The following CTNNB1 variants were observed in gnomAD, a reference collection of about 807,000 sequenced individuals.
The protein encoded by CTNNB1 is catenin beta-1.
Under a neutral mutation model 82.5 loss-of-function variants are expected in CTNNB1, and 6 were observed. The observed-to-expected ratio is 0.07, with a 90% CI of 0.04 to 0.14. The LOEUF (loss-of-function observed/expected upper bound fraction) is 0.14. CTNNB1 is among the 10% of genes least tolerant of loss of function. The pLI is 1.00. For synonymous variants in CTNNB1, 312 were observed against 329.7 expected, an observed-to-expected ratio of 0.95 and a Z score of 0.58; for missense variants, 529 against 980.4, an observed-to-expected ratio of 0.54 and a Z score of 6.15.
At chr3:41,204,566 A>G (rs2077606444) in intron 1 of CTNNB1, among the ~76,000 whole-genome samples, 1 of 152,230 alleles carries the variant, frequency 6.6e-6, no homozygotes, top group Non-Finnish European at 1.5e-5. Context: ...ATTGAAGTGC[A>G]CATGAAGCAG....
intron 1 of CTNNB1, among the ~76,000 whole-genome samples, chr3:41,215,484 G>T (rs2077895967): frequency 6.7e-6 from 1 of 149,420 alleles, no homozygotes; most frequent in Admixed American, 6.7e-5. Flanking sequence ...TTCACATTTT[G>T]AGCATTTTAT....
chr3:41,205,272 TTAGG>T (rs2077622892), intron 1 of CTNNB1, among the ~76,000 whole-genome samples: 1 of 152,230 alleles, frequency 6.6e-6, no homozygotes, highest in African/African-American at 2.4e-5. Context: ...TAAAAACAGT[TTAGG>T]TAATTAAAAA....
intron 1 of CTNNB1, among the ~76,000 whole-genome samples, chr3:41,200,684 ACTT>A (rs1038481209): frequency 2.0e-5 from 3 of 152,168 alleles, no homozygotes; most frequent in Non-Finnish European, 4.4e-5. Flanking sequence ...AAGCATTGCA[ACTT>A]CTTTCAGTGT....
chr3:41,229,023 G>A (rs751923356), intron 7 of CTNNB1, among the ~76,000 whole-genome samples: 4 of 151,708 alleles, frequency 2.6e-5, no homozygotes, highest in Admixed American at 1.3e-4. Flanking sequence ...TTAGGTGTGC[G>A]GCCTAACTTC....
intron 1 of CTNNB1, among the ~76,000 whole-genome samples, chr3:41,213,146 C>T (rs547486969): frequency 2.0e-5 from 3 of 152,340 alleles, no homozygotes; most frequent in Non-Finnish European, 2.9e-5. Context: ...CTATTTTTAA[C>T]GTTTCATTGC....
chr3:41,208,174 T>G, intron 1 of CTNNB1, among the ~76,000 whole-genome samples: 1 of 152,234 alleles, frequency 6.6e-6, no homozygotes, highest in African/African-American at 2.4e-5. Flanking sequence ...TGGTAACTGT[T>G]ACCTGTATGA....
intron 10 of CTNNB1, 69 bp from the exon 11 acceptor site, chr3:41,235,655 G>A: frequency 6.3e-7 from 1 of 1,595,652 alleles, no homozygotes; most frequent in Non-Finnish European, 8.6e-7. Context: ...AATAATTACA[G>A]TCTAATAATT....
intron 1 of CTNNB1, among the ~76,000 whole-genome samples, chr3:41,214,860 T>G (rs1002667176): frequency 6.6e-6 from 1 of 152,154 alleles, no homozygotes; most frequent in Non-Finnish European, 1.5e-5. Flanking sequence ...TGAATGAAGT[T>G]TTAATGGAAC....
chr3:41,208,283 A>G (rs1051785646), intron 1 of CTNNB1, among the ~76,000 whole-genome samples: 6 of 152,276 alleles, frequency 3.9e-5, no homozygotes, highest in African/African-American at 1.4e-4. Flanking sequence ...GAAGGACGCA[A>G]TATGTTGATT....
chr3:41,202,914 G>T (rs542651042), intron 1 of CTNNB1, among the ~76,000 whole-genome samples: 36 of 152,136 alleles, frequency 2.4e-4, no homozygotes, highest in Non-Finnish European at 4.4e-4. Flanking sequence ...AGGCTCATCT[G>T]TTGAGGCCTG....
intron 7 of CTNNB1, among the ~76,000 whole-genome samples, chr3:41,231,066 G>A (rs1324094384): frequency 2.1e-4 from 32 of 152,184 alleles, no homozygotes; most frequent in Admixed American, 2.0e-3. Flanking sequence ...GGTGGCTCAC[G>A]CCTGTAATTC....
At chr3:41,228,508 T>A (rs949393867) in intron 7 of CTNNB1, among the ~76,000 whole-genome samples, 2 of 152,218 alleles carry the variant, frequency 1.3e-5, no homozygotes, top group African/African-American at 4.8e-5. Context: ...CTTGGCCACT[T>A]GTATGTCTTC....
rs2125627510 is a variant in CTNNB1, at chr3:41,227,204, C to G, written c.937-4C>G. On this transcript the variant is annotated splice_region_variant and splice_polypyrimidine_tract_variant and intron_variant, in intron 6 of 14. Transcript: ENST00000349496. ...TAACAAGATATATATATATATCTTT[C>G]TAGCTCATCATACTGGCTAGTGGTG... 6.2e-7 allele frequency: 1 copy of G among 1,606,982 alleles called. No individual in the cohort carries two copies. Among genetic ancestry groups the G allele is most frequent in the Non-Finnish European group, 8.5e-7 (1 of 1,173,770 alleles).
At chr3:41,207,371 T>C (rs1315810208) in intron 1 of CTNNB1, among the ~76,000 whole-genome samples, 1 of 152,218 alleles carries the variant, frequency 6.6e-6, no homozygotes, top group Non-Finnish European at 1.5e-5. Flanking sequence ...TTTTTCCTTA[T>C]TGCCATTATG....
Position 41,224,741 on chromosome 3 carries a change from G to C in CTNNB1, c.229G>C (p.Glu77Gln). ...GGGATTTTCTCAGTCCTTCACTCAA[G>C]AACAAGTAGCTGGTAAGAGTATTAT... ...EQGFSQSFTQ[E>Q]QVADIDGQYA... The change falls in exon 3 of 15, where the codon GAA becomes CAA. Residue 77 changes from glutamate (E) to glutamine (Q), a missense_variant. Coordinates refer to ENST00000349496, the MANE Select transcript of CTNNB1 (RefSeq NM_001904.4). The C allele has an allele frequency of 6.2e-7, 1 of 1,613,696 alleles. No homozygotes were observed. The highest frequency in any genetic ancestry group is 2.2e-5 in the East Asian group (1 of 44,874).
chr3:41,237,798 A>G (rs2078474513), intron 13 of CTNNB1: 1 of 562,590 alleles, frequency 1.8e-6, no homozygotes, highest in African/African-American at 1.9e-5. Flanking sequence ...TTGAAAGAAC[A>G]AGTCAGTGAG....
At chr3:41,220,003 G>A (rs1235977395) in intron 1 of CTNNB1, among the ~76,000 whole-genome samples, 1 of 152,080 alleles carries the variant, frequency 6.6e-6, no homozygotes, top group African/African-American at 2.4e-5. Context: ...ATACATAGCA[G>A]TGAGTTTAAT....
chr3:41,239,365 T>C lies in CTNNB1; in HGVS notation c.*23T>C, dbSNP rs558310764. ...TAAATCATCCTTTAGGTAAGAAGTT[T>C]TAAAAAGCCAGTTTGGGTAAAATAC... is the stretch of plus-strand genomic sequence containing the variant. On this transcript the variant is annotated 3_prime_UTR_variant, in exon 15 of 15. Transcript: ENST00000349496. The C allele has an allele frequency of 1.2e-6, 2 of 1,605,834 alleles. No individual in the cohort carries two copies. Among genetic ancestry groups the C allele is most frequent in the African/African-American group, 2.7e-5 (2 of 74,924 alleles).
chr3:41,212,542 C>T (rs1168826593), intron 1 of CTNNB1, among the ~76,000 whole-genome samples: 1 of 152,192 alleles, frequency 6.6e-6, no homozygotes, highest in East Asian at 1.9e-4. Context: ...GTCTTGACCC[C>T]TGCCTTTGGC....
Sources: gnomAD v4.1 joint callset for allele counts (sites outside exome capture counted in the v4.1 genomes callset) on GRCh38, gnomAD v4.1.1 for gene constraint, MANE v1.5 for transcripts, NCBI Gene and HGNC (gene_info 2026-07-23, HGNC 2026-07-21) for gene names.